ZNF385D: variants seen among roughly 807,000 people sequenced by gnomAD.
ZNF385D encodes the protein zinc finger protein 385D, also known as zinc finger protein 659.
Under a neutral mutation model 35.8 loss-of-function variants are expected in ZNF385D, and 15 were observed. The observed-to-expected ratio is 0.42, with a 90% CI of 0.28 to 0.64. ZNF385D has a LOEUF of 0.64. Among genes scored for constraint, ZNF385D ranks in the 30% least tolerant of loss-of-function variants. ZNF385D has a pLI of 0.23. For missense variants in ZNF385D, 474 were observed against 494.6 expected (o/e 0.96, Z 0.39); for synonymous variants, 212 against 186.8 (o/e 1.13, Z -1.10).
intron 3 of ZNF385D, among the ~76,000 whole-genome samples, chr3:22,140,703 A>C (rs1476570749): frequency 6.6e-6 from 1 of 152,244 alleles, no homozygotes; most frequent in Non-Finnish European, 1.5e-5. Context: ...GAAACATCTG[A>C]AATTATTTCA....
upstream of ZNF385D, among the ~76,000 whole-genome samples, chr3:21,755,081 C>T (rs2070281284): frequency 6.6e-6 from 1 of 152,206 alleles, no homozygotes; most frequent in Admixed American, 6.5e-5. Context: ...TGTGTTTGTC[C>T]TTTCAAATTC....
intron 3 of ZNF385D, among the ~76,000 whole-genome samples, chr3:21,831,340 C>G (rs1036650934): frequency 6.6e-6 from 1 of 152,068 alleles, no homozygotes; most frequent in African/African-American, 2.4e-5. Context: ...AAAATATATA[C>G]AAAGTATTGT....
chr3:22,058,162 T>C (rs1424321581), intron 3 of ZNF385D, among the ~76,000 whole-genome samples: 2 of 151,700 alleles, frequency 1.3e-5, no homozygotes, highest in African/African-American at 4.8e-5. Flanking sequence ...TGGTAACTCA[T>C]AAGTTGATAA....
upstream of ZNF385D, among the ~76,000 whole-genome samples, chr3:21,753,594 G>A (rs1261608933): frequency 6.6e-6 from 1 of 152,114 alleles, no homozygotes; most frequent in Admixed American, 6.5e-5. Flanking sequence ...AAAGATATGT[G>A]CCCCTCTTCC....
intron 2 of ZNF385D, among the ~76,000 whole-genome samples, chr3:22,295,938 A>C (rs566548911): frequency 1.1e-4 from 17 of 152,264 alleles, no homozygotes; most frequent in African/African-American, 4.1e-4. Context: ...AACAGGAGAA[A>C]GTCGACAAGA....
rs140272691 is a variant in ZNF385D at position 22,258,770 on chromosome 3, C to T, written c.107-89735G>A. 6.0e-3 allele frequency among the ~76,000 whole-genome samples: 903 copies of T among 151,646 alleles called. 9 individuals carry two copies. Among genetic ancestry groups the T allele is most frequent in the African/African-American group, 0.021 (854 of 41,458 alleles). On this transcript the variant is annotated intron_variant, in intron 2 of 5. Coordinates refer to the ZNF385D transcript ENST00000494108. ...TAAAAATATAATTATAGATTATTTG[C>T]ATGTTAAAATAACATGTTTTATAAA... is the stretch of plus-strand genomic sequence containing the variant.
At chr3:22,139,438 A>T (rs1420287426) in intron 3 of ZNF385D, among the ~76,000 whole-genome samples, 1 of 152,112 alleles carries the variant, frequency 6.6e-6, no homozygotes, top group South Asian at 2.1e-4. Context: ...TGCAGCCATA[A>T]AAAACGATGA....
chr3:21,470,079 C>T (rs1382627165), intron 4 of ZNF385D, among the ~76,000 whole-genome samples: 2 of 152,210 alleles, frequency 1.3e-5, no homozygotes, highest in Admixed American at 1.3e-4. Context: ...ATATTAGGCA[C>T]TTACAGTACT....
intron 2 of ZNF385D, among the ~76,000 whole-genome samples, chr3:22,317,109 C>G (rs541487189): frequency 1.3e-5 from 2 of 151,802 alleles, no homozygotes; most frequent in African/African-American, 4.8e-5. Context: ...GAAACCCCTT[C>G]TCTACTAAAA....
intron 3 of ZNF385D, among the ~76,000 whole-genome samples, chr3:22,038,866 TATA>T (rs1698492791): frequency 6.6e-6 from 1 of 150,564 alleles, no homozygotes; most frequent in South Asian, 2.1e-4. Flanking sequence ...ATAACAAAGA[TATA>T]ATAAGGTTAT....
At chr3:22,073,375 TG>T (rs1700319104) in intron 3 of ZNF385D, among the ~76,000 whole-genome samples, 1 of 147,208 alleles carries the variant, frequency 6.8e-6, no homozygotes, top group East Asian at 2.0e-4. Flanking sequence ...TGAAGCAGGG[TG>T]GGGTGGGTGA....
At chr3:21,615,315 C>T (rs747243801) in intron 2 of ZNF385D, among the ~76,000 whole-genome samples, 3 of 151,930 alleles carry the variant, frequency 2.0e-5, no homozygotes, top group Non-Finnish European at 4.4e-5. Flanking sequence ...GGAAGCTTCC[C>T]GAGGCCCTCA....
chr3:22,048,453 T>C (rs1158847744), intron 3 of ZNF385D, among the ~76,000 whole-genome samples: 1 of 152,178 alleles, frequency 6.6e-6, no homozygotes, highest in African/African-American at 2.4e-5. Context: ...AATTTTATTA[T>C]TTTGCATGTG....
chr3:21,451,137 G>A (rs1279697071), intron 4 of ZNF385D, among the ~76,000 whole-genome samples: 1 of 152,028 alleles, frequency 6.6e-6, no homozygotes, highest in Non-Finnish European at 1.5e-5. Flanking sequence ...ATTTTTATCA[G>A]TTAGTCCAGA....
chr3:21,929,087 A>G (rs1700881629), intron 3 of ZNF385D, among the ~76,000 whole-genome samples: 1 of 152,172 alleles, frequency 6.6e-6, no homozygotes, highest in South Asian at 2.1e-4. Flanking sequence ...ACAAAATGCT[A>G]TCAAACCAAT....
At chr3:22,362,419 CTG>C (rs1481190877) in intron 2 of ZNF385D, among the ~76,000 whole-genome samples, 2 of 152,180 alleles carry the variant, frequency 1.3e-5, no homozygotes, top group East Asian at 1.9e-4. Context: ...AACTGAAAAA[CTG>C]TATATTGAAA....
At chr3:21,517,676 G>C (rs530716171) in intron 3 of ZNF385D, among the ~76,000 whole-genome samples, 1 of 152,212 alleles carries the variant, frequency 6.6e-6, no homozygotes, top group South Asian at 2.1e-4. Flanking sequence ...AGTTGCATAC[G>C]GTAATCTGAC....
chr3:21,927,547 T>C (rs942686116), intron 3 of ZNF385D, among the ~76,000 whole-genome samples: 2 of 152,162 alleles, frequency 1.3e-5, no homozygotes, highest in South Asian at 4.1e-4. Flanking sequence ...CAAAAAGAGA[T>C]TGCTGGGCTG....
intron 3 of ZNF385D, among the ~76,000 whole-genome samples, chr3:21,528,091 C>T (rs1243966750): frequency 6.6e-6 from 1 of 152,116 alleles, no homozygotes; most frequent in Non-Finnish European, 1.5e-5. Flanking sequence ...ACCAGGTCTC[C>T]CTGTCTCCAA....
Sources: gnomAD v4.1 joint callset for allele counts (sites outside exome capture counted in the v4.1 genomes callset) on GRCh38, gnomAD v4.1.1 for gene constraint, MANE v1.5 for transcripts, NCBI Gene and HGNC (gene_info 2026-07-23, HGNC 2026-07-21) for gene names.